Variants in RBM47 observed in about 807,000 individuals in gnomAD.
The protein encoded by RBM47 is RNA-binding protein 47.
In RBM47, 21 loss-of-function variants were observed where a neutral mutation model predicts 47.1. That is an observed-to-expected ratio of 0.45 (90% CI 0.32 to 0.64). The LOEUF (loss-of-function observed/expected upper bound fraction) is 0.64. RBM47 is among the 30% of genes least tolerant of loss of function. The pLI is 0.05. For synonymous variants in RBM47, 375 were observed against 361.7 expected, an observed-to-expected ratio of 1.04 and a Z score of -0.42; for missense variants, 708 against 870.9, an observed-to-expected ratio of 0.81 and a Z score of 2.35.
chr4:40,511,850 G>T (rs12503112), intron 2 of RBM47, among the ~76,000 whole-genome samples: 18,962 of 150,640 alleles, frequency 0.13, 1,311 homozygotes, highest in East Asian at 0.21. Context: ...CAGGAGAATC[G>T]CCTGAACCTG....
At chr4:40,545,704 A>AATAAAC (rs1728979521) in intron 1 of RBM47, among the ~76,000 whole-genome samples, 2 of 151,644 alleles carry the variant, frequency 1.3e-5, no homozygotes, top group Non-Finnish European at 2.9e-5. Context: ...TAAATAAATA[A>AATAAAC]AAGAGAAAGA....
rs142680699 is a variant in RBM47, at chr4:40,467,342, T to A, written c.-154-643A>T. Among the ~76,000 whole-genome samples, 565 of 151,660 alleles carry A rather than the reference T, an allele frequency of 3.7e-3. 4 individuals are homozygous for A. The highest frequency in any genetic ancestry group is 0.013 in the African/African-American group (534 of 41,332). ...TTTTGCTCTGTCGCCCAGGCTGGAG[T>A]GCAGTTGCGTAGTCTCGGCTCACTG... On this transcript the variant is annotated intron_variant, in intron 2 of 6. Transcript: ENST00000295971.
chr4:40,580,211 T>C (rs1042744176), intron 1 of RBM47, among the ~76,000 whole-genome samples: 1 of 152,014 alleles, frequency 6.6e-6, no homozygotes, highest in African/African-American at 2.4e-5. Context: ...TAAATGTGTT[T>C]CCTCATACTT....
intron 6 of RBM47, among the ~76,000 whole-genome samples, chr4:40,428,719 C>G (rs1374028417): frequency 1.3e-5 from 2 of 152,170 alleles, no homozygotes; most frequent in Admixed American, 1.3e-4. Context: ...GGCCTGGAAT[C>G]AAGAGTAGGT....
At chr4:40,447,411 G>T (rs1480608651) in intron 3 of RBM47, among the ~76,000 whole-genome samples, 1 of 152,164 alleles carries the variant, frequency 6.6e-6, no homozygotes, top group East Asian at 1.9e-4. Context: ...CATCATCAAG[G>T]ATTTGAATTC....
intron 1 of RBM47, among the ~76,000 whole-genome samples, chr4:40,555,073 T>A (rs1252940068): frequency 6.6e-6 from 1 of 152,132 alleles, no homozygotes; most frequent in Non-Finnish European, 1.5e-5. Context: ...GTAGCTGGGA[T>A]TACAAGCGCC....
chr4:40,479,074 A>G (rs1463792919), intron 2 of RBM47, among the ~76,000 whole-genome samples: 1 of 152,274 alleles, frequency 6.6e-6, no homozygotes, highest in African/African-American at 2.4e-5. Context: ...CAGCAATAAT[A>G]GTTGGCTAAG....
chr4:40,500,052 C>T lies in RBM47; in HGVS notation c.-154-33353G>A, dbSNP rs1028431008. 2.6e-5 allele frequency among the ~76,000 whole-genome samples: 4 copies of T among 152,350 alleles called. No homozygotes were observed. The East Asian group carries it at 5.8e-4, about 22-fold the overall frequency. ...AAAATAGGCCGGGCGCAGTGGCTCA[C>T]GCCTGTAATCCCAACACTGTGGGAG... On this transcript the variant is annotated intron_variant, in intron 2 of 6. Transcript: ENST00000295971.
Position 40,606,295 on chromosome 4 carries a change from G to A in RBM47, c.-240+23101C>T, listed in dbSNP as rs190240183. Among the ~76,000 whole-genome samples, 411 of 152,138 alleles carry A rather than the reference G, an allele frequency of 2.7e-3. 2 individuals are homozygous for A. Among genetic ancestry groups the A allele is most frequent in the African/African-American group, 9.2e-3 (380 of 41,514 alleles). On this transcript the variant is annotated intron_variant, in intron 1 of 6. Coordinates refer to ENST00000295971, the MANE Select transcript of RBM47 (RefSeq NM_001098634.2). ...ATGGGGAAATTGAAAAGGTAGTAGGGAAATGATTGTTACCGAGAAACTACT... is the reference window on the plus strand; with the variant it reads ...ATGGGGAAATTGAAAAGGTAGTAGGAAAATGATTGTTACCGAGAAACTACT...
At chr4:40,516,301 C>G (rs1725575076) in intron 2 of RBM47, among the ~76,000 whole-genome samples, 1 of 146,420 alleles carries the variant, frequency 6.8e-6, no homozygotes, top group Admixed American at 7.0e-5. Context: ...CGCTCTGTCA[C>G]CCAGGCTGGA....
At chr4:40,516,618 T>C (rs1449397273) in intron 2 of RBM47, among the ~76,000 whole-genome samples, 1 of 152,194 alleles carries the variant, frequency 6.6e-6, no homozygotes, top group Non-Finnish European at 1.5e-5. Flanking sequence ...ACCCAGTGCA[T>C]GGTTTACACA....
chr4:40,517,655 A>C (rs1027234701), intron 2 of RBM47, among the ~76,000 whole-genome samples: 9 of 152,344 alleles, frequency 5.9e-5, no homozygotes, highest in Admixed American at 2.0e-4. Flanking sequence ...ACCACAGATC[A>C]AGAATATTCA....
At chr4:40,491,311 T>C (rs1418524279) in intron 2 of RBM47, among the ~76,000 whole-genome samples, 1 of 152,170 alleles carries the variant, frequency 6.6e-6, no homozygotes, top group Non-Finnish European at 1.5e-5. Context: ...TCATATCATA[T>C]ACAAAAATTA....
chr4:40,499,518 G>A (rs891886786), intron 2 of RBM47, among the ~76,000 whole-genome samples: 4 of 151,986 alleles, frequency 2.6e-5, no homozygotes, highest in Non-Finnish European at 4.4e-5. Flanking sequence ...CAAGTGATTC[G>A]CCTGCCTCAG....
chr4:40,478,078 C>T (rs1719886835), intron 2 of RBM47, among the ~76,000 whole-genome samples: 2 of 142,796 alleles, frequency 1.4e-5, no homozygotes, highest in Admixed American at 7.3e-5. Context: ...TGCAGTGGCG[C>T]GATCTTGGCT....
intron 2 of RBM47, among the ~76,000 whole-genome samples, chr4:40,542,352 G>A (rs1047642682): frequency 6.6e-6 from 1 of 151,730 alleles, no homozygotes; most frequent in African/African-American, 2.4e-5. Flanking sequence ...TCTCCATACT[G>A]GGCCCCTGCA....
At chr4:40,459,535 C>T (rs1716784054) in intron 3 of RBM47, among the ~76,000 whole-genome samples, 1 of 151,838 alleles carries the variant, frequency 6.6e-6, no homozygotes, top group Non-Finnish European at 1.5e-5. Flanking sequence ...CACTGCACTC[C>T]AGCCTGGGCA....
At position 40,588,873 on chromosome 4, in the gene RBM47, T is replaced by C. The variant is rs563218874; in HGVS notation, c.-240+40523A>G. 1.4e-4 allele frequency among the ~76,000 whole-genome samples: 22 copies of C among 152,210 alleles called. No individual in the cohort carries two copies. The East Asian group carries it at 3.9e-3, about 27-fold the overall frequency. On this transcript the variant is annotated intron_variant, in intron 1 of 6. Transcript: ENST00000295971. ...CTGGAATCGTGGCCGACGTGTTTGC[T>C]GTTATGTTCTCTTTCAGTCCCTTTT...
chr4:40,541,652 T>C (rs559551364), intron 2 of RBM47, among the ~76,000 whole-genome samples: 2 of 151,952 alleles, frequency 1.3e-5, no homozygotes, highest in Admixed American at 6.6e-5. Context: ...GCACGAGAAT[T>C]GTTTGAACCC....
Sources: gnomAD v4.1 joint callset for allele counts (sites outside exome capture counted in the v4.1 genomes callset) on GRCh38, gnomAD v4.1.1 for gene constraint, MANE v1.5 for transcripts, NCBI Gene and HGNC (gene_info 2026-07-23, HGNC 2026-07-21) for gene names.